LRP1: variants seen among roughly 807,000 people sequenced by gnomAD.
LRP1 encodes LDL receptor related protein 1.
In LRP1, 51 loss-of-function variants were observed where a neutral mutation model predicts 541.5. The observed-to-expected ratio is 0.09, with a 90% CI of 0.08 to 0.12. The LOEUF (loss-of-function observed/expected upper bound fraction) is 0.12, where lower values mean the gene tolerates loss of function less well. Among genes scored for constraint, LRP1 ranks in the 10% least tolerant of loss-of-function variants. The pLI is 1.00. For missense variants in LRP1, 3,878 were observed against 6,376.2 expected (o/e 0.61, Z 13.34); for synonymous variants, 2,219 against 2,470.8 (o/e 0.90, Z 3.02).
In LRP1 at chr12:57,190,910, C is replaced by G; in HGVS notation, c.7137C>G (p.Pro2379=). 1 of 1,613,710 alleles carries G rather than the reference C, an allele frequency of 6.2e-7. No homozygotes were observed. The highest frequency in any genetic ancestry group is 8.5e-7 in the Non-Finnish European group (1 of 1,179,982). ...LTLIEKDIRT[P]NGLAIDHRAE... is the part of the protein sequence containing the mutation. ...TTATCGAGAAGGACATCCGTACCCC[C>G]AATGGCCTGGCCATCGACCACCGTG... is the stretch of plus-strand genomic sequence containing the variant. The change falls in exon 43 of 89, where the codon CCC becomes CCG. Residue 2379 remains proline (P), a synonymous_variant. Transcript: ENST00000243077.
At chr12:57,190,668 A>T in intron 42 of LRP1, 137 bp from the exon 43 acceptor site, 1 of 683,612 alleles carries the variant, frequency 1.5e-6, no homozygotes, top group South Asian at 1.7e-5. Flanking sequence ...GCATTGGGGC[A>T]CTGCTGGCCT....
Position 57,205,005 on chromosome 12 carries a change from AGCCTT to A in LRP1, c.11195-102_11195-98del. The A allele has an allele frequency of 6.7e-7, 1 of 1,497,018 alleles. No homozygotes were observed. Among genetic ancestry groups the A allele is most frequent in the Non-Finnish European group, 9.0e-7 (1 of 1,110,288 alleles). 92.7% of individuals were successfully genotyped at this position (1,497,018 alleles called of 1,614,324 possible). A position where few individuals can be genotyped will look rare whatever the true frequency, so the allele number is the denominator to read the frequency against. ...AAATGTTTGACCTGCTCCCCCTGCAAGCCTTGTCACTTAGGAATTGGGAGCCACTG... is the reference window on the plus strand; with the variant it reads ...AAATGTTTGACCTGCTCCCCCTGCAAGTCACTTAGGAATTGGGAGCCACTG... On this transcript the variant is annotated intron_variant, in intron 72 of 88. Coordinates refer to ENST00000243077, the MANE Select transcript of LRP1 (RefSeq NM_002332.3). This position sits in a 1 kb window ranked among gnomAD's most constrained non-coding sequence, Gnocchi z 4.6.
chr12:57,128,927 C>T lies in LRP1; in HGVS notation c.-38C>T. Reference sequence around the variant, plus strand: ...GGGTGAAGGAGAGAAGTAGCAGGACCAGAGGGGAAGGGGCTGCTGCTTGCA... The same window carrying T: ...GGGTGAAGGAGAGAAGTAGCAGGACTAGAGGGGAAGGGGCTGCTGCTTGCA... On this transcript the variant is annotated 5_prime_UTR_variant, in exon 1 of 89. Transcript: ENST00000243077. 1 of 1,525,720 alleles carries T rather than the reference C, an allele frequency of 6.6e-7. No individual in the cohort carries two copies. The highest frequency in any genetic ancestry group is 2.5e-5 in the East Asian group (1 of 40,250). The allele number at this position is 1,525,720 out of a possible 1,614,324, so 94.5% of individuals were successfully genotyped here.
intron 13 of LRP1, 102 bp downstream of exon 13, chr12:57,161,217 C>A: frequency 1.8e-6 from 2 of 1,117,616 alleles, no homozygotes; most frequent in Non-Finnish European, 2.6e-6. Context: ...CTGTGTGTGT[C>A]CAGGCCTGTG....
intron 1 of LRP1, among the ~76,000 whole-genome samples, chr12:57,135,210 C>T (rs1445025332): frequency 1.3e-5 from 2 of 152,236 alleles, no homozygotes; most frequent in East Asian, 1.9e-4. Context: ...AAAAGGTTAG[C>T]TCCCATCGGT....
intron 42 of LRP1, among the ~76,000 whole-genome samples, chr12:57,190,582 C>G (rs2036357694): frequency 6.6e-6 from 1 of 152,248 alleles, no homozygotes; most frequent in Non-Finnish European, 1.5e-5. Flanking sequence ...GTGAATATCT[C>G]ACACTTGGCC....
Position 57,181,226 on chromosome 12 carries a change from A to T in LRP1, c.5597A>T (p.Glu1866Val). The change falls in exon 34 of 89, where the codon GAG (glutamate) becomes GTG (valine). Residue 1866 changes from glutamate to valine, a missense_variant. Coordinates refer to ENST00000243077, the MANE Select transcript of LRP1 (RefSeq NM_002332.3). ...TCCCAGCTCTGCCTGCCCACGTCAG[A>T]GACGACCCGCTCCTGCATGTGCACA... is the stretch of plus-strand genomic sequence containing the variant. Reference protein sequence around the residue: ...DCSQLCLPTSETTRSCMCTAG... With the variant: ...DCSQLCLPTSVTTRSCMCTAG... The T allele has an allele frequency of 6.2e-7, 1 of 1,613,730 alleles. No homozygotes were observed. Among genetic ancestry groups the T allele is most frequent in the Non-Finnish European group, 8.5e-7 (1 of 1,180,038 alleles).
rs547114561 is a variant in LRP1, at chr12:57,154,934, G to A, written c.1227+233G>A. The A allele has an allele frequency of 1.7e-6, 1 of 604,308 alleles. No individual in the cohort carries two copies. Among genetic ancestry groups the A allele is most frequent in the Admixed American group, 2.9e-5 (1 of 34,582 alleles). The allele number at this position is 604,308 out of a possible 1,614,324, so 37.4% of individuals were successfully genotyped here. On this transcript the variant is annotated intron_variant, in intron 8 of 88. Transcript: ENST00000243077. This position sits in a 1 kb window ranked among gnomAD's most constrained non-coding sequence, Gnocchi z 4.6. ...GAAACACCACTTCTGTTTACTTCCT[G>A]TTTCTCATTTGACCCTTATAATAAC...
In LRP1 at chr12:57,160,902, C is replaced by T; in HGVS notation, c.1989C>T (p.Tyr663=). ...CAGTCGCTGCCCACAGGTGGATGTA[C>T]TGGACAGACTGGGAGGAGGACCCCA... ...IVVDPLNGWM[Y]WTDWEEDPKD... Residue 663 remains tyrosine, a synonymous_variant, in exon 13 of 89, where the codon TAC becomes TAT. Coordinates refer to ENST00000243077, the MANE Select transcript of LRP1 (RefSeq NM_002332.3). 1 of 1,613,606 alleles carries T rather than the reference C, an allele frequency of 6.2e-7. No homozygotes were observed. Among genetic ancestry groups the T allele is most frequent in the Non-Finnish European group, 8.5e-7 (1 of 1,179,906 alleles).
rs2036575620 is a variant in LRP1, at chr12:57,198,211, G to C, written c.9338G>C (p.Gly3113Ala). Residue 3113 changes from glycine to alanine, a missense_variant, in exon 59 of 89, where the codon GGT (glycine) becomes GCT (alanine). Gly to Ala is a moderately conservative substitution (Grantham distance 60, BLOSUM62 0). Coordinates refer to ENST00000243077, the MANE Select transcript of LRP1 (RefSeq NM_002332.3). ...GATGGGCTGGCTGTGGACTGGGTGG[G>C]TGGCAACCTGTACTGGTGCGACAAA... ...NPDGLAVDWVGGNLYWCDKGR... is the reference protein window; with the variant it reads ...NPDGLAVDWVAGNLYWCDKGR... The C allele has an allele frequency of 2.2e-5, 36 of 1,613,422 alleles. No homozygotes were observed. Among genetic ancestry groups the C allele is most frequent in the Non-Finnish European group, 3.1e-5 (36 of 1,179,870 alleles).
chr12:57,184,321 T>C lies in LRP1; in HGVS notation c.6060-5T>C, dbSNP rs2136709757. Reference sequence around the variant, plus strand: ...CTGACCCCCACTTCCACCCCCACCCTACAGGTACTTGTTCTGGACTGAGTG... The same window carrying C: ...CTGACCCCCACTTCCACCCCCACCCCACAGGTACTTGTTCTGGACTGAGTG... On this transcript the variant is annotated splice_region_variant and splice_polypyrimidine_tract_variant and intron_variant, in intron 37 of 88. Coordinates refer to ENST00000243077, the MANE Select transcript of LRP1 (RefSeq NM_002332.3). This position sits in a 1 kb window ranked among gnomAD's most constrained non-coding sequence, Gnocchi z 7.8. 2 of 1,614,172 alleles carry C rather than the reference T, an allele frequency of 1.2e-6. No homozygotes were observed. The highest frequency in any genetic ancestry group is 2.2e-5 in the South Asian group (2 of 91,082).
rs1304752304 is a variant in LRP1, at chr12:57,159,850, C to T, written c.1824C>T (p.Ala608=). Residue 608 remains alanine, a synonymous_variant, in exon 12 of 89, where the codon GCC becomes GCT. Transcript: ENST00000243077. ...GCATCCACAATGTGGAGGGTGTGGC[C>T]GTGGACTGGATGGGAGACAATCTGT... ...KDGIHNVEGV[A]VDWMGDNLYW... is the part of the protein sequence containing the mutation. 5.0e-6 allele frequency: 8 copies of T among 1,614,152 alleles called. No individual in the cohort carries two copies. The East Asian group carries it at 6.7e-5, about 13-fold the overall frequency.
At chr12:57,188,563 G>T (rs1335526267) in intron 42 of LRP1, among the ~76,000 whole-genome samples, 2 of 152,158 alleles carry the variant, frequency 1.3e-5, no homozygotes, top group Non-Finnish European at 2.9e-5. Flanking sequence ...TCTGGGGATG[G>T]CCTCAGAGCC....
Position 57,178,752 on chromosome 12 carries a change from G to A in LRP1, c.4607-138G>A, listed in dbSNP as rs1035123736. The A allele has an allele frequency of 2.0e-6, 3 of 1,506,936 alleles. No homozygotes were observed. The highest frequency in any genetic ancestry group is 2.7e-6 in the Non-Finnish European group (3 of 1,113,386). The allele number at this position is 1,506,936 out of a possible 1,614,324, so 93.3% of individuals were successfully genotyped here. The stretch of plus-strand genomic sequence containing the variant: ...TAGGCCGGCTGTTGACAGAGGCACT[G>A]TCTAGCAGCAGAGAAGGGTCTAGTA... On this transcript the variant is annotated intron_variant, in intron 27 of 88. Transcript: ENST00000243077. This position sits in a 1 kb window ranked among gnomAD's most constrained non-coding sequence, Gnocchi z 5.8.
At position 57,193,945 on chromosome 12, in the gene LRP1, C is replaced by T. The variant is rs1360835923; in HGVS notation, c.7851C>T (p.Cys2617=). 3 of 1,614,184 alleles carry T rather than the reference C, an allele frequency of 1.9e-6. No individual in the cohort carries two copies. Among genetic ancestry groups the T allele is most frequent in the Admixed American group, 3.3e-5 (2 of 60,028 alleles). ...VGEFRCRDGT[C]IGNSSRCNQF... is the part of the protein sequence containing the mutation. ...AGTTCCGCTGCCGGGACGGGACCTG[C>T]ATCGGGAACTCCAGCCGCTGCAACC... Residue 2617 remains cysteine, a synonymous_variant, in exon 48 of 89, where the codon TGC becomes TGT. Transcript: ENST00000243077.
intron 6 of LRP1, chr12:57,149,263 C>A: frequency 2.3e-6 from 1 of 442,276 alleles, no homozygotes; most frequent in Non-Finnish European, 4.0e-6. Flanking sequence ...CTCTAGCCAC[C>A]CCACTCTTTG....
intron 34 of LRP1, among the ~76,000 whole-genome samples, chr12:57,181,864 A>G (rs2036172306): frequency 1.3e-5 from 2 of 152,212 alleles, no homozygotes; most frequent in African/African-American, 4.8e-5. Context: ...GACGCATTTC[A>G]CAAGAACCTG....
Position 57,165,941 on chromosome 12 carries a change from C to G in LRP1, c.2667C>G (p.Leu889=). Residue 889 remains leucine (L), a synonymous_variant, in exon 16 of 89, where the codon CTC becomes CTG. Transcript: ENST00000243077. This position sits in a 1 kb window ranked among gnomAD's most constrained non-coding sequence, Gnocchi z 4.5. The part of the protein sequence containing the change: ...CLDNSDEAPA[L]CHQHTCPSDR... ...ACAACAGTGATGAGGCCCCAGCCCT[C>G]TGCCGTGAGTCACACGCCCTGCCCC... The G allele has an allele frequency of 6.2e-7, 1 of 1,614,160 alleles. No homozygotes were observed. Among genetic ancestry groups the G allele is most frequent in the Non-Finnish European group, 8.5e-7 (1 of 1,180,020 alleles).
At chr12:57,202,136 G>A (rs976663215) in intron 67 of LRP1, among the ~76,000 whole-genome samples, 7 of 151,778 alleles carry the variant, frequency 4.6e-5, no homozygotes, top group African/African-American at 9.7e-5. Flanking sequence ...CCCTGCCCAC[G>A]CCTCATCCAC....
Sources: allele counts gnomAD v4.1 joint callset (sites outside exome capture counted in the v4.1 genomes callset), GRCh38; gene constraint gnomAD v4.1.1; non-coding constraint Gnocchi (gnomAD v3.1); transcripts MANE v1.5; gene names NCBI Gene and HGNC (gene_info 2026-07-23, HGNC 2026-07-21).